The following ANKRD26 variants were observed in gnomAD, a reference collection of about 807,000 sequenced individuals.
ANKRD26 encodes the protein ankyrin repeat domain 26.
In ANKRD26, 141 loss-of-function variants were observed where a neutral mutation model predicts 208.7. The observed-to-expected ratio is 0.68, with a 90% CI of 0.59 to 0.78. The LOEUF is 0.78. ANKRD26 is among the 30% of genes least tolerant of loss of function. The pLI is 0.00. For missense variants in ANKRD26, 1,889 were observed against 1,938.7 expected (o/e 0.97, Z 0.48); for synonymous variants, 636 against 660.4 (o/e 0.96, Z 0.57).
intron 4 of ANKRD26, among the ~76,000 whole-genome samples, chr10:26,996,568 A>G (rs1216422380): frequency 3.9e-5 from 6 of 152,178 alleles, no homozygotes; most frequent in Admixed American, 3.9e-4. Context: ...CAAGAAAAAG[A>G]GTCTTCATTC....
intron 17 of ANKRD26, among the ~76,000 whole-genome samples, chr10:27,047,306 T>C (rs904658261): frequency 6.6e-6 from 1 of 152,130 alleles, no homozygotes; most frequent in Non-Finnish European, 1.5e-5. Context: ...AATATTCTGA[T>C]TAGTTATGAT....
intron 5 of ANKRD26, among the ~76,000 whole-genome samples, chr10:27,084,230 A>G (rs1589363176): frequency 8.9e-6 from 1 of 112,016 alleles, no homozygotes; most frequent in Non-Finnish European, 1.9e-5. Flanking sequence ...AAAAAAAAAA[A>G]AAAAAGAAAA....
Position 27,005,072 on chromosome 10 carries a change from T to C in ANKRD26, c.*518A>G. The C allele has an allele frequency of 1.0e-6, 1 of 984,954 alleles. No homozygotes were observed. Among genetic ancestry groups the C allele is most frequent in the Non-Finnish European group, 1.2e-6 (1 of 829,524 alleles). The allele number at this position is 984,954 out of a possible 1,614,324, so 61.0% of individuals were successfully genotyped here. On this transcript the variant is annotated 3_prime_UTR_variant, in exon 34 of 34. Transcript: ENST00000376087. ...CTATTTCCAAAAGGTTAATTAAAAA[T>C]AAATAAACAAACAGAAAAGGTGAAT...
chr10:27,083,780 A>G (rs2135643025), intron 5 of ANKRD26, among the ~76,000 whole-genome samples: 1 of 152,386 alleles, frequency 6.6e-6, no homozygotes, highest in East Asian at 1.9e-4. Context: ...CCAGCAAACT[A>G]GAGGCCACAA....
chr10:27,097,931 G>A (rs1448033726), intron 1 of ANKRD26, among the ~76,000 whole-genome samples: 1 of 150,398 alleles, frequency 6.6e-6, no homozygotes, highest in Non-Finnish European at 1.5e-5. Context: ...GGGATTACAG[G>A]CCTAAGCCAT....
chr10:26,984,457 A>G (rs892170910), intron 3 of ANKRD26, among the ~76,000 whole-genome samples: 2 of 152,206 alleles, frequency 1.3e-5, no homozygotes, highest in African/African-American at 4.8e-5. Flanking sequence ...TGTGCAGCAC[A>G]TGAATTAGTC....
exon 6 of ANKRD26, among the ~76,000 whole-genome samples, chr10:26,975,924 G>T (rs1320786390): frequency 6.6e-6 from 1 of 151,624 alleles, no homozygotes; most frequent in Non-Finnish European, 1.5e-5. Context: ...AGTAACGTAG[G>T]CATTACGTAG....
intron 11 of ANKRD26, 139 bp downstream of exon 11, chr10:27,066,348 T>C (rs2055246223): frequency 1.9e-6 from 1 of 527,604 alleles, no homozygotes; most frequent in Non-Finnish European, 3.3e-6. Flanking sequence ...ACTTTATTAA[T>C]TATGAACTGA....
At chr10:27,088,651 C>A (rs568937835) in intron 4 of ANKRD26, among the ~76,000 whole-genome samples, 1 of 152,204 alleles carries the variant, frequency 6.6e-6, no homozygotes, top group African/African-American at 2.4e-5. Context: ...TTGGTGGCCA[C>A]TACTCCAGCG....
chr10:27,060,575 A>G (rs1280074661), intron 13 of ANKRD26, 35 bp from the exon 14 acceptor site: 6 of 1,409,940 alleles, frequency 4.3e-6, no homozygotes, highest in Non-Finnish European at 6.0e-6. Context: ...TCAATTATAC[A>G]TAAATATGAC....
intron 17 of ANKRD26, among the ~76,000 whole-genome samples, chr10:27,047,752 A>C (rs1451397522): frequency 6.7e-6 from 1 of 148,894 alleles, no homozygotes; most frequent in Non-Finnish European, 1.5e-5. Flanking sequence ...TATTATTATT[A>C]TTATTATTGG....
At chr10:26,985,543 A>G (rs2052372911) in intron 3 of ANKRD26, among the ~76,000 whole-genome samples, 1 of 152,128 alleles carries the variant, frequency 6.6e-6, no homozygotes, top group Non-Finnish European at 1.5e-5. Flanking sequence ...ACCATTCCCC[A>G]GATTGGAGCT....
intron 3 of ANKRD26, 61 bp from the exon 4 acceptor site, chr10:27,092,573 A>G (rs2056335273): frequency 8.1e-7 from 1 of 1,229,148 alleles, no homozygotes; most frequent in African/African-American, 1.5e-5. Context: ...GCTGAACTGA[A>G]AACTCTATGT....
rs369517578 is a variant in ANKRD26, at chr10:27,070,175, T to C, written c.1078-2889A>G. On this transcript the variant is annotated intron_variant, in intron 9 of 33. Coordinates refer to ENST00000376087, the MANE Select transcript of ANKRD26 (RefSeq NM_014915.3). ...ATCCCAGCACTTTGGGAGGCTGAGGTGGGCGGATCACTTGAGGCCAGGTGT... is the reference window on the plus strand; with the variant it reads ...ATCCCAGCACTTTGGGAGGCTGAGGCGGGCGGATCACTTGAGGCCAGGTGT... Among the ~76,000 whole-genome samples the C allele has an allele frequency of 2.0e-4, 29 of 145,550 alleles. No homozygotes were observed. The East Asian group carries it at 5.7e-3, about 28-fold the overall frequency.
intron 32 of ANKRD26, among the ~76,000 whole-genome samples, chr10:27,009,546 A>G (rs2053016663): frequency 6.6e-6 from 1 of 152,184 alleles, no homozygotes; most frequent in Non-Finnish European, 1.5e-5. Context: ...GGAGAGAAAA[A>G]TGTCTTGGTG....
the ANKRD26 span, among the ~76,000 whole-genome samples, chr10:26,948,461 T>C: frequency 4.6e-5 from 7 of 152,242 alleles, no homozygotes; most frequent in Admixed American, 3.3e-4. Context: ...TCTATCACTA[T>C]ACACAACATA....
At chr10:27,085,369 G>C (rs1175086009) in intron 5 of ANKRD26, among the ~76,000 whole-genome samples, 1 of 152,064 alleles carries the variant, frequency 6.6e-6, no homozygotes, top group African/African-American at 2.4e-5. Flanking sequence ...AAAGTGCTGG[G>C]ATTACAGGCG....
intron 9 of ANKRD26, among the ~76,000 whole-genome samples, chr10:27,076,657 G>A (rs1020372938): frequency 7.2e-5 from 11 of 152,082 alleles, no homozygotes; most frequent in African/African-American, 2.7e-4. Context: ...AGGAATGAAT[G>A]TGGAGACAGT....
At chr10:26,953,642 A>G in the ANKRD26 span, among the ~76,000 whole-genome samples, 1 of 152,252 alleles carries the variant, frequency 6.6e-6, no homozygotes, top group South Asian at 2.1e-4. Flanking sequence ...GTTTTTGTGA[A>G]TTTCATAGTC....
Sources: gnomAD v4.1 joint callset for allele counts (sites outside exome capture counted in the v4.1 genomes callset) on GRCh38, gnomAD v4.1.1 for gene constraint, MANE v1.5 for transcripts, NCBI Gene and HGNC (gene_info 2026-07-23, HGNC 2026-07-21) for gene names.